ZC2HC1A: variants seen among roughly 807,000 people sequenced by gnomAD.
The protein encoded by ZC2HC1A is zinc finger C2HC domain-containing protein 1A.
A neutral mutation model predicts 40.7 loss-of-function variants in ZC2HC1A; 28 were observed. The ratio of observed to expected loss-of-function variants is 0.69; its 90% CI spans 0.51 to 0.94. The LOEUF (loss-of-function observed/expected upper bound fraction) is 0.94, where lower values mean the gene tolerates loss of function less well. ZC2HC1A is among the 40% of genes least tolerant of loss of function. The pLI is 0.00. For synonymous variants in ZC2HC1A, 129 were observed against 129.2 expected (o/e 1.00, Z 0.01); for missense variants, 389 against 386.3 (o/e 1.01, Z -0.06).
At chr8:78,673,608 C>G (rs1809495201) in intron 1 of ZC2HC1A, among the ~76,000 whole-genome samples, 1 of 152,178 alleles carries the variant, frequency 6.6e-6, no homozygotes, top group Admixed American at 6.5e-5. Flanking sequence ...GATCGCCATT[C>G]TAACTGGCGT....
At chr8:78,693,179 C>T (rs1414771650) in intron 5 of ZC2HC1A, among the ~76,000 whole-genome samples, 1 of 152,108 alleles carries the variant, frequency 6.6e-6, no homozygotes, top group Admixed American at 6.5e-5. Context: ...GTGAATAGTG[C>T]CGCAATAAAC....
rs1213923118 is a variant in ZC2HC1A at position 78,712,130 on chromosome 8, G to A, written c.705-3091G>A. 4 of 1,245,780 alleles carry A rather than the reference G, an allele frequency of 3.2e-6. No individual in the cohort carries two copies. In the South Asian group the frequency reaches 3.8e-5, roughly 12 times the overall value. 77.2% of individuals were successfully genotyped at this position (1,245,780 alleles called of 1,614,324 possible). A position where few individuals can be genotyped will look rare whatever the true frequency, so the allele number is the denominator to read the frequency against. On this transcript the variant is annotated intron_variant, in intron 7 of 8. Transcript: ENST00000263849. The stretch of plus-strand genomic sequence containing the variant: ...AAGTAAGTATTTGTAACTCAGTTTG[G>A]TTAATATTTTTCAGATATTTCCTTA...
At chr8:78,698,380 A>G in intron 6 of ZC2HC1A, 34 bp from the exon 7 acceptor site, 1 of 1,528,806 alleles carries the variant, frequency 6.5e-7, no homozygotes, top group Non-Finnish European at 9.0e-7. Context: ...CCTTTTTTAG[A>G]GTATTGTTAA....
chr8:78,671,762 T>G (rs889279171), intron 1 of ZC2HC1A, among the ~76,000 whole-genome samples: 2 of 152,152 alleles, frequency 1.3e-5, no homozygotes, highest in Admixed American at 1.3e-4. Context: ...GTTCTCTGTG[T>G]AGATAAGTGG....
intron 3 of ZC2HC1A, among the ~76,000 whole-genome samples, chr8:78,684,538 GCCAAA>G (rs1361921185): frequency 6.6e-6 from 1 of 152,114 alleles, no homozygotes. Context: ...TGGGGACACA[GCCAAA>G]CTATATCAAT....
intron 7 of ZC2HC1A, 142 bp from the exon 8 acceptor site, chr8:78,715,079 G>A (rs2130614292): frequency 1.4e-6 from 1 of 704,676 alleles, no homozygotes; most frequent in South Asian, 2.5e-5. Flanking sequence ...TTTGCTTTCA[G>A]ATTTAAAATA....
chr8:78,694,489 T>A (rs1810332477), intron 5 of ZC2HC1A, among the ~76,000 whole-genome samples: 1 of 152,180 alleles, frequency 6.6e-6, no homozygotes, highest in Non-Finnish European at 1.5e-5. Context: ...ATTGGCTTAG[T>A]TTGCTTGACC....
At chr8:78,689,551 C>G (rs956975222) in intron 5 of ZC2HC1A, among the ~76,000 whole-genome samples, 178 bp downstream of exon 5, 1 of 151,852 alleles carries the variant, frequency 6.6e-6, no homozygotes, top group Non-Finnish European at 1.5e-5. Context: ...TAAATCATTT[C>G]AAGCTAATTG....
chr8:78,712,695 T>G (rs1027054529), intron 7 of ZC2HC1A, among the ~76,000 whole-genome samples: 1 of 151,608 alleles, frequency 6.6e-6, no homozygotes, highest in South Asian at 2.1e-4. Context: ...CTGAAAAGAG[T>G]GTGTGGCAAT....
chr8:78,685,478 A>T (rs1302595642), intron 3 of ZC2HC1A, among the ~76,000 whole-genome samples: 1 of 152,218 alleles, frequency 6.6e-6, no homozygotes. Flanking sequence ...ATAATTATGC[A>T]TAGTAAAAGA....
chr8:78,713,463 CAA>C (rs35677411), intron 7 of ZC2HC1A, among the ~76,000 whole-genome samples: 12 of 136,636 alleles, frequency 8.8e-5, no homozygotes, highest in Non-Finnish European at 1.1e-4. Flanking sequence ...ATTCTATAGC[CAA>C]AAAAAAAAAA....
At chr8:78,709,252 A>G (rs940124362) in intron 7 of ZC2HC1A, among the ~76,000 whole-genome samples, 1 of 152,222 alleles carries the variant, frequency 6.6e-6, no homozygotes, top group Non-Finnish European at 1.5e-5. Flanking sequence ...TTTTAATTTA[A>G]AAAATTGCAT....
At position 78,666,099 on chromosome 8, in the gene ZC2HC1A, G is replaced by C; in HGVS notation, c.-50G>C. 1 of 1,556,034 alleles carries C rather than the reference G, an allele frequency of 6.4e-7. No homozygotes were observed. Among genetic ancestry groups the C allele is most frequent in the Non-Finnish European group, 8.7e-7 (1 of 1,149,876 alleles). ...TGGGTTGCTACAGCCAGAGCTGGGC[G>C]GTGGCGGGCGCTGCTGAAGGAGTCT... On this transcript the variant is annotated 5_prime_UTR_variant, in exon 1 of 9. Transcript: ENST00000263849.
rs957709399 is a variant in ZC2HC1A at position 78,675,936 on chromosome 8, T to A, written c.93+73T>A. ...GTTCAATAATTCTGGTCAATTCTCA[T>A]GGGAAGAATTTACGTGGAATAGTTT... On this transcript the variant is annotated intron_variant, in intron 2 of 8. Coordinates refer to ENST00000263849, the MANE Select transcript of ZC2HC1A (RefSeq NM_016010.3). The A allele has an allele frequency of 2.3e-6, 3 of 1,328,642 alleles. No homozygotes were observed. The African/African-American group carries it at 4.4e-5, about 20-fold the overall frequency. The allele number at this position is 1,328,642 out of a possible 1,614,324, so 82.3% of individuals were successfully genotyped here. A position where few individuals can be genotyped will look rare whatever the true frequency, so the allele number is the denominator to read the frequency against.
intron 7 of ZC2HC1A, among the ~76,000 whole-genome samples, chr8:78,704,540 C>T (rs1046993448): frequency 6.6e-6 from 1 of 152,040 alleles, no homozygotes; most frequent in African/African-American, 2.4e-5. Flanking sequence ...TTTCTTCTTT[C>T]ATTTCAGTCT....
intron 7 of ZC2HC1A, among the ~76,000 whole-genome samples, chr8:78,710,417 G>A (rs1243698018): frequency 6.6e-6 from 1 of 151,916 alleles, no homozygotes; most frequent in Non-Finnish European, 1.5e-5. Context: ...TTTTATATAT[G>A]TAATGTTTCC....
intron 6 of ZC2HC1A, 86 bp from the exon 7 acceptor site, chr8:78,698,328 C>A: frequency 9.0e-7 from 1 of 1,115,438 alleles, no homozygotes; most frequent in Non-Finnish European, 1.3e-6. Context: ...AAGATTATTA[C>A]TAAAGCATTG....
At chr8:78,709,913 C>G (rs2130597644) in intron 7 of ZC2HC1A, among the ~76,000 whole-genome samples, 1 of 152,164 alleles carries the variant, frequency 6.6e-6, no homozygotes, top group African/African-American at 2.4e-5. Flanking sequence ...AATATTATTT[C>G]AGAAATCATC....
intron 7 of ZC2HC1A, among the ~76,000 whole-genome samples, chr8:78,712,638 G>C (rs1056767670): frequency 2.6e-5 from 4 of 152,148 alleles, no homozygotes; most frequent in African/African-American, 9.7e-5. Flanking sequence ...CTGCCAAAGA[G>C]TCAAGCTCGA....
Sources: allele counts gnomAD v4.1 joint callset (sites outside exome capture counted in the v4.1 genomes callset), GRCh38; gene constraint gnomAD v4.1.1; transcripts MANE v1.5; gene names NCBI Gene and HGNC (gene_info 2026-07-23, HGNC 2026-07-21).